OSBPL11: variants seen among roughly 807,000 people sequenced by gnomAD.
OSBPL11 encodes oxysterol-binding protein-related protein 11.
In OSBPL11, 33 loss-of-function variants were observed where a neutral mutation model predicts 84.4. That is an observed-to-expected ratio of 0.39 (90% CI 0.30 to 0.52). OSBPL11 has a LOEUF of 0.52. Ranked by LOEUF, OSBPL11 falls within the 20% of genes least tolerant of loss-of-function variation. The probability of loss-of-function intolerance (pLI) is 0.72; values close to 1 mark genes in which losing one functional copy is unlikely to be tolerated. For synonymous variants in OSBPL11, 276 were observed against 310.2 expected, an observed-to-expected ratio of 0.89 and a Z score of 1.16; for missense variants, 736 against 901.1, an observed-to-expected ratio of 0.82 and a Z score of 2.35.
chr3:125,559,963 C>CA (rs1039409134), intron 8 of OSBPL11, among the ~76,000 whole-genome samples: 21 of 151,388 alleles, frequency 1.4e-4, no homozygotes, highest in South Asian at 1.1e-3. Context: ...ATAAAAATCA[C>CA]AAAAAATAAA....
rs1251384787 is a variant in OSBPL11, at chr3:125,580,311, T to TC, written c.234-272dup. Among the ~76,000 whole-genome samples, 4 of 152,012 alleles carry TC rather than the reference T, an allele frequency of 2.6e-5. No homozygotes were observed. The East Asian group carries it at 7.7e-4, about 29-fold the overall frequency. ...GAGCGGATCACCTGAGGTCAGGAGT[T>TC]CGAGATCAGCCTGGCCAACATGGTG... is the stretch of plus-strand genomic sequence containing the variant. On this transcript the variant is annotated intron_variant, in intron 2 of 12. Transcript: ENST00000296220.
intron 2 of OSBPL11, 54 bp downstream of exon 2, chr3:125,582,856 C>G: frequency 8.2e-7 from 1 of 1,223,294 alleles, no homozygotes; most frequent in African/African-American, 1.6e-5. Context: ...AATTATTGGG[C>G]CCTATTCCTG....
chr3:125,584,163 G>C (rs1290664623), intron 1 of OSBPL11, among the ~76,000 whole-genome samples: 2 of 151,998 alleles, frequency 1.3e-5, no homozygotes, highest in Non-Finnish European at 2.9e-5. Context: ...TCAGGAGTTC[G>C]AGACCAGCCT....
At chr3:125,538,042 A>C (rs1935667885) in intron 11 of OSBPL11, among the ~76,000 whole-genome samples, 1 of 152,152 alleles carries the variant, frequency 6.6e-6, no homozygotes, top group African/African-American at 2.4e-5. Flanking sequence ...AATTACCCTA[A>C]ACAATTTTTC....
rs878937514 is a variant in OSBPL11, at chr3:125,538,549, T to C, written c.1926A>G (p.Thr642=). The C allele has an allele frequency of 1.2e-6, 2 of 1,614,202 alleles. No homozygotes were observed. The highest frequency in any genetic ancestry group is 2.2e-5 in the East Asian group (1 of 44,870). The part of the protein sequence containing the change: ...QGEWNSVLEF[T]YSNGETKYVD... ...CATACTTTGTCTCTCCATTGCTATATGTGAACTCAAGAACACTATTCCATT... is the reference window on the plus strand; with the variant it reads ...CATACTTTGTCTCTCCATTGCTATACGTGAACTCAAGAACACTATTCCATT... The change falls in exon 11 of 13, where the codon ACA becomes ACG. Residue 642 remains threonine (T), a synonymous_variant. Coordinates refer to ENST00000296220, the MANE Select transcript of OSBPL11 (RefSeq NM_022776.5).
At chr3:125,578,915 C>T in intron 4 of OSBPL11, 45 bp downstream of exon 4, 1 of 1,224,888 alleles carries the variant, frequency 8.2e-7, no homozygotes, top group Non-Finnish European at 1.1e-6. Context: ...AAAAAATATT[C>T]CTTCCTCATT....
At chr3:125,531,046 A>G (rs1386124184) in intron 12 of OSBPL11, among the ~76,000 whole-genome samples, 1 of 151,888 alleles carries the variant, frequency 6.6e-6, no homozygotes, top group Non-Finnish European at 1.5e-5. Flanking sequence ...CAGTGGCACA[A>G]TCTTGGCTCA....
chr3:125,581,089 T>C (rs1436772129), intron 2 of OSBPL11, among the ~76,000 whole-genome samples: 1 of 147,130 alleles, frequency 6.8e-6, no homozygotes, highest in South Asian at 2.1e-4. Context: ...ATTTAAGTAG[T>C]GTAATAATTT....
intron 10 of OSBPL11, among the ~76,000 whole-genome samples, chr3:125,543,854 C>T (rs908111960): frequency 9.2e-5 from 14 of 151,900 alleles, no homozygotes; most frequent in African/African-American, 2.4e-4. Flanking sequence ...GAGCTGAGAT[C>T]GCACCACTGC....
chr3:125,533,444 C>T (rs958750018), intron 11 of OSBPL11, among the ~76,000 whole-genome samples: 3 of 151,984 alleles, frequency 2.0e-5, no homozygotes, highest in Non-Finnish European at 4.4e-5. Flanking sequence ...AGGCTGGTCT[C>T]GAACTCCTGA....
intron 9 of OSBPL11, among the ~76,000 whole-genome samples, chr3:125,548,005 T>C (rs1935844396): frequency 6.6e-6 from 1 of 152,116 alleles, no homozygotes; most frequent in South Asian, 2.1e-4. Flanking sequence ...GCCTCCCAAG[T>C]AGCTGGAATT....
intron 1 of OSBPL11, among the ~76,000 whole-genome samples, chr3:125,585,014 A>G (rs1276391063): frequency 6.6e-6 from 1 of 152,198 alleles, no homozygotes; most frequent in Non-Finnish European, 1.5e-5. Context: ...TCCTGGGCTC[A>G]AGCGATCTTT....
chr3:125,577,556 G>C (rs1441441097), intron 4 of OSBPL11, among the ~76,000 whole-genome samples: 1 of 152,036 alleles, frequency 6.6e-6, no homozygotes, highest in Non-Finnish European at 1.5e-5. Flanking sequence ...CGCTGGGCGT[G>C]GTGGCTCACA....
chr3:125,553,368 A>G (rs1935942521), intron 8 of OSBPL11, among the ~76,000 whole-genome samples: 1 of 152,246 alleles, frequency 6.6e-6, no homozygotes, highest in African/African-American at 2.4e-5. Flanking sequence ...CTGAGAACAG[A>G]CTAAAGAGAT....
intron 5 of OSBPL11, among the ~76,000 whole-genome samples, chr3:125,568,875 C>G (rs1052438421): frequency 6.6e-6 from 1 of 152,166 alleles, no homozygotes; most frequent in Non-Finnish European, 1.5e-5. Flanking sequence ...CCTTTGAACA[C>G]TAGTTTAGTT....
At chr3:125,551,611 C>A (rs1010483097) in intron 9 of OSBPL11, among the ~76,000 whole-genome samples, 9 of 151,734 alleles carry the variant, frequency 5.9e-5, no homozygotes, top group Admixed American at 5.9e-4. Context: ...TCTCTACTAA[C>A]AATATAAAAA....
chr3:125,568,111 AG>A (rs1936187998), intron 5 of OSBPL11, among the ~76,000 whole-genome samples: 1 of 151,994 alleles, frequency 6.6e-6, no homozygotes, highest in Non-Finnish European at 1.5e-5. Context: ...TTGTTATCTA[AG>A]GCAGCTGCAA....
intron 10 of OSBPL11, among the ~76,000 whole-genome samples, chr3:125,545,865 G>C (rs906860526): frequency 1.3e-5 from 2 of 152,090 alleles, no homozygotes; most frequent in African/African-American, 4.8e-5. Context: ...AGCAGATAAT[G>C]TGTCTGTCCC....
intron 10 of OSBPL11, among the ~76,000 whole-genome samples, chr3:125,542,776 C>T (rs1174694130): frequency 6.6e-6 from 1 of 152,096 alleles, no homozygotes; most frequent in Admixed American, 6.6e-5. Context: ...TGACAAAGTT[C>T]TGGGATTACA....
Sources: allele counts gnomAD v4.1 joint callset (sites outside exome capture counted in the v4.1 genomes callset), GRCh38; gene constraint gnomAD v4.1.1; transcripts MANE v1.5; gene names NCBI Gene and HGNC (gene_info 2026-07-23, HGNC 2026-07-21).